CCDC141: variants seen among roughly 807,000 people sequenced by gnomAD.
CCDC141 encodes the protein coiled-coil domain containing 141, also known as coiled-coil domain-containing protein 141.
A neutral mutation model predicts 181.0 loss-of-function variants in CCDC141; 168 were observed. That is an observed-to-expected ratio of 0.93 (90% CI 0.82 to 1.05). CCDC141 has a LOEUF of 1.05. Among genes scored for constraint, CCDC141 ranks in the 50% least tolerant of loss-of-function variants. The pLI, the probability that CCDC141 is intolerant of heterozygous loss-of-function variation, is 0.00. For synonymous variants in CCDC141, 666 were observed against 642.3 expected (o/e 1.04, Z -0.56); for missense variants, 1,902 against 1,788.5 (o/e 1.06, Z -1.14).
chr2:179,049,966 C>G lies in CCDC141; in HGVS notation c.-25G>C. On this transcript the variant is annotated 5_prime_UTR_variant, in exon 1 of 24. Transcript: ENST00000443758. ...TGGTACTTTAGAACCAGAGTTTATA[C>G]TTTGGGCAGCCTCTGGACAGTTGTG... 1 of 1,550,288 alleles carries G rather than the reference C, an allele frequency of 6.5e-7. No individual in the cohort carries two copies. Among genetic ancestry groups the G allele is most frequent in the South Asian group, 1.2e-5 (1 of 84,052 alleles).
chr2:179,034,698 A>C (rs1379124089), intron 2 of CCDC141, among the ~76,000 whole-genome samples: 1 of 152,162 alleles, frequency 6.6e-6, no homozygotes, highest in East Asian at 1.9e-4. Flanking sequence ...CTTTCCTCGC[A>C]TTCTTACCAT....
At chr2:178,825,479 AT>A (rs1205059426), downstream of CCDC141, 2 of 151,908 alleles carry the variant, frequency 1.3e-5, no homozygotes, top group African/African-American at 4.8e-5. Context: ...ATTTCCTTCT[AT>A]TTTTTCTCTC....
In CCDC141 at chr2:178,923,216, T is replaced by C. The variant is rs909283664; in HGVS notation, c.898-4309A>G. Among the ~76,000 whole-genome samples, 27 of 150,296 alleles carry C rather than the reference T, an allele frequency of 1.8e-4. 1 individual carries two copies. Among genetic ancestry groups the C allele is most frequent in the South Asian group, 8.5e-4 (4 of 4,720 alleles). On this transcript the variant is annotated intron_variant, in intron 6 of 23. Coordinates refer to ENST00000443758, the MANE Select transcript of CCDC141 (RefSeq NM_173648.4). ...GCCTCCCGGGTTCACGCCATTCTCC[T>C]GCCTCAGCCTCCCAAGTAGCTGGGA...
Position 178,992,117 on chromosome 2 carries a change from A to G in CCDC141, c.226-13442T>C, listed in dbSNP as rs1692083148. Among the ~76,000 whole-genome samples the G allele has an allele frequency of 1.3e-5, 2 of 151,850 alleles. 1 individual carries two copies. The highest frequency in any genetic ancestry group is 4.2e-4 in the South Asian group (2 of 4,800). Reference sequence around the variant, plus strand: ...GCCTGTAGAAATTTGGATGTTTCCAATTTTTGACTACTATATATAAACCTG... The same window carrying G: ...GCCTGTAGAAATTTGGATGTTTCCAGTTTTTGACTACTATATATAAACCTG... On this transcript the variant is annotated intron_variant, in intron 2 of 23. Transcript: ENST00000443758.
intron 22 of CCDC141, among the ~76,000 whole-genome samples, chr2:178,844,378 A>G (rs1684849071): frequency 6.6e-6 from 1 of 152,198 alleles, no homozygotes. Context: ...CTGCTAAACT[A>G]CAATGCGTAG....
intron 10 of CCDC141, 35 bp from the exon 11 acceptor site, chr2:178,885,127 C>T: frequency 7.0e-7 from 1 of 1,434,086 alleles, no homozygotes; most frequent in Non-Finnish European, 9.5e-7. Context: ...CAGAAACTGA[C>T]AGGGGAATCA....
intron 10 of CCDC141, among the ~76,000 whole-genome samples, chr2:178,886,179 T>C (rs1302932926): frequency 6.6e-6 from 1 of 151,930 alleles, no homozygotes; most frequent in African/African-American, 2.4e-5. Flanking sequence ...GGAGGGCACT[T>C]GACTCATGTT....
rs75704987 is a variant in CCDC141, at chr2:178,975,235, T to C, written c.418-70A>G. The C allele has an allele frequency of 0.029, 22,422 of 772,770 alleles. 1,069 individuals are homozygous for C. The highest frequency in any genetic ancestry group is 0.14 in the African/African-American group (8,142 of 57,976). 47.9% of individuals were successfully genotyped at this position (772,770 alleles called of 1,614,324 possible). On this transcript the variant is annotated intron_variant, in intron 3 of 23. Transcript: ENST00000443758. ...AATTAACGTGCCATTGTTAGTTACC[T>C]GGAGATGTTTTTCATAAATTAGTAG...
chr2:178,818,301 G>A, the CCDC141 span, among the ~76,000 whole-genome samples: 3 of 152,188 alleles, frequency 2.0e-5, no homozygotes, highest in East Asian at 5.8e-4. Context: ...TAAGTTCCAG[G>A]ATACATGTGC....
At chr2:178,984,223 T>A (rs1691593774) in intron 2 of CCDC141, among the ~76,000 whole-genome samples, 1 of 149,026 alleles carries the variant, frequency 6.7e-6, no homozygotes, top group South Asian at 2.2e-4. Flanking sequence ...CTAAGCTTCA[T>A]AAGTGAAGGA....
intron 2 of CCDC141, among the ~76,000 whole-genome samples, chr2:178,999,938 T>A (rs896062262): frequency 2.0e-5 from 3 of 152,158 alleles, no homozygotes; most frequent in African/African-American, 7.2e-5. Context: ...GTGCATTTAT[T>A]TTTTGCTTTT....
intron 17 of CCDC141, among the ~76,000 whole-genome samples, chr2:178,864,660 C>A (rs1575144627): frequency 1.3e-5 from 2 of 152,208 alleles, no homozygotes; most frequent in Non-Finnish European, 2.9e-5. Context: ...CAGCCATGGT[C>A]CATCCTGCAC....
intron 5 of CCDC141, among the ~76,000 whole-genome samples, chr2:178,951,856 A>C (rs1236765520): frequency 2.6e-5 from 4 of 152,198 alleles, no homozygotes; most frequent in African/African-American, 9.7e-5. Flanking sequence ...AAGGAGGCAC[A>C]CTCATCACTT....
intron 4 of CCDC141, among the ~76,000 whole-genome samples, chr2:178,962,887 A>G (rs1447326224): frequency 1.3e-5 from 2 of 152,000 alleles, no homozygotes; most frequent in Admixed American, 1.3e-4. Context: ...ACTTTTCACT[A>G]TGTCCACTCA....
At chr2:178,986,798 C>A (rs1322748335) in intron 2 of CCDC141, among the ~76,000 whole-genome samples, 1 of 151,806 alleles carries the variant, frequency 6.6e-6, no homozygotes, top group Non-Finnish European at 1.5e-5. Context: ...CTACAAACCG[C>A]TGCTCAAGGA....
intron 2 of CCDC141, among the ~76,000 whole-genome samples, chr2:179,015,820 CAT>C (rs1333973087): frequency 1.5e-5 from 2 of 133,206 alleles, no homozygotes; most frequent in African/African-American, 5.4e-5. Flanking sequence ...ATATATATCT[CAT>C]ATATGTATCA....
intron 2 of CCDC141, 44 bp from the exon 3 acceptor site, chr2:178,978,719 T>C (rs1369539574): frequency 1.4e-6 from 2 of 1,382,488 alleles, no homozygotes; most frequent in South Asian, 1.5e-5. Flanking sequence ...GTTAACTTAA[T>C]GTAAGAACAC....
chr2:179,014,929 C>T (rs772600360), intron 2 of CCDC141, among the ~76,000 whole-genome samples: 11 of 150,830 alleles, frequency 7.3e-5, no homozygotes, highest in Non-Finnish European at 1.5e-4. Flanking sequence ...GGGTATCTAC[C>T]CAGAGGAAAA....
intron 7 of CCDC141, among the ~76,000 whole-genome samples, chr2:178,906,501 G>A (rs546157186): frequency 6.6e-6 from 1 of 152,198 alleles, no homozygotes; most frequent in African/African-American, 2.4e-5. Context: ...TGGCATGGGA[G>A]GTCTTGCCAC....
Sources: allele counts gnomAD v4.1 joint callset (sites outside exome capture counted in the v4.1 genomes callset), GRCh38; gene constraint gnomAD v4.1.1; transcripts MANE v1.5; gene names NCBI Gene and HGNC (gene_info 2026-07-23, HGNC 2026-07-21).